ADAM10: variants seen among roughly 807,000 people sequenced by gnomAD.
ADAM10 encodes disintegrin and metalloproteinase domain-containing protein 10.
Under a neutral mutation model 90.1 loss-of-function variants are expected in ADAM10, and 17 were observed. The observed-to-expected ratio is 0.19, with a 90% CI of 0.13 to 0.28. The LOEUF is 0.28. ADAM10 is among the 10% of genes least tolerant of loss of function. ADAM10 has a pLI of 1.00. For synonymous variants in ADAM10, 310 were observed against 298.6 expected (o/e 1.04, Z -0.40); for missense variants, 610 against 914.3 (o/e 0.67, Z 4.29).
chr15:58,657,798 A>G (rs891047977), intron 5 of ADAM10, among the ~76,000 whole-genome samples: 1 of 151,698 alleles, frequency 6.6e-6, no homozygotes, highest in Non-Finnish European at 1.5e-5. Flanking sequence ...TTACGTATTC[A>G]CTGTAGTCCT....
chr15:58,666,735 T>C (rs556833931), intron 4 of ADAM10, among the ~76,000 whole-genome samples: 1 of 152,286 alleles, frequency 6.6e-6, no homozygotes, highest in Non-Finnish European at 1.5e-5. Context: ...GAATTAGTGT[T>C]TTATTTCTTC....
chr15:58,645,137 G>A (rs1314079636), intron 6 of ADAM10, among the ~76,000 whole-genome samples: 1 of 152,146 alleles, frequency 6.6e-6, no homozygotes, highest in African/African-American at 2.4e-5. Flanking sequence ...AAAACAAGAT[G>A]GTCAAGTAAA....
At chr15:58,619,858 C>T (rs556000720) in intron 11 of ADAM10, among the ~76,000 whole-genome samples, 7 of 151,710 alleles carry the variant, frequency 4.6e-5, no homozygotes, top group Non-Finnish European at 8.8e-5. Flanking sequence ...GAGCAGAGAT[C>T]GCGCCACTGC....
chr15:58,677,339 G>A (rs1488286805), intron 4 of ADAM10, among the ~76,000 whole-genome samples: 1 of 151,918 alleles, frequency 6.6e-6, no homozygotes, highest in South Asian at 2.1e-4. Context: ...AATAAAAGCT[G>A]ATATCAATGA....
chr15:58,665,313 T>C (rs547303143), intron 4 of ADAM10, 116 bp from the exon 5 acceptor site: 2 of 846,418 alleles, frequency 2.4e-6, no homozygotes, highest in Middle Eastern at 2.7e-4. Context: ...TAAATGCTTA[T>C]TAAGCACCTA....
chr15:58,644,280 A>C (rs1368742624), intron 6 of ADAM10, among the ~76,000 whole-genome samples: 2 of 146,238 alleles, frequency 1.4e-5, no homozygotes, highest in Non-Finnish European at 3.0e-5. Flanking sequence ...CCCACGCTGG[A>C]GTGCAGTGTT....
chr15:58,739,350 C>CAA (rs1244592805), intron 1 of ADAM10, among the ~76,000 whole-genome samples: 7 of 100,594 alleles, frequency 7.0e-5, no homozygotes, highest in African/African-American at 1.5e-4. Context: ...ACCAAAAATA[C>CAA]AAAAAAAAAA....
chr15:58,604,786 T>C (rs1186545907), intron 14 of ADAM10, among the ~76,000 whole-genome samples: 1 of 152,222 alleles, frequency 6.6e-6, no homozygotes, highest in African/African-American at 2.4e-5. Context: ...CTTGCTCTGT[T>C]GCCCAAGCTG....
chr15:58,685,545 A>AATATATATATATATAT (rs56776777), intron 2 of ADAM10, among the ~76,000 whole-genome samples: 12 of 116,216 alleles, frequency 1.0e-4, no homozygotes, highest in East Asian at 4.3e-4. Flanking sequence ...TATGAAGGAG[A>AATATATATATATATAT]ATATATATAT....
intron 4 of ADAM10, among the ~76,000 whole-genome samples, chr15:58,665,611 C>T (rs1353291315): frequency 6.6e-6 from 1 of 152,032 alleles, no homozygotes; most frequent in Non-Finnish European, 1.5e-5. Flanking sequence ...TAAAAGAGAA[C>T]CCCAAAACTC....
At chr15:58,626,149 C>CAAA (rs11433151) in intron 10 of ADAM10, among the ~76,000 whole-genome samples, 1 of 137,866 alleles carries the variant, frequency 7.3e-6, no homozygotes, top group African/African-American at 2.6e-5. Context: ...GAAATGAGAA[C>CAAA]AAAAAAAAAA....
At chr15:58,667,743 T>C (rs1005195012) in intron 4 of ADAM10, among the ~76,000 whole-genome samples, 18 of 151,566 alleles carry the variant, frequency 1.2e-4, no homozygotes, top group African/African-American at 3.9e-4. Context: ...TGATGGAGAG[T>C]AGAAGAAAGG....
In ADAM10 at chr15:58,597,200, G is replaced by A. The variant is rs1270415035; in HGVS notation, c.*347C>T. 2 of 625,112 alleles carry A rather than the reference G, an allele frequency of 3.2e-6. No homozygotes were observed. The highest frequency in any genetic ancestry group is 2.1e-5 in the South Asian group (1 of 47,644). The allele number at this position is 625,112 out of a possible 1,614,324, so 38.7% of individuals were successfully genotyped here. A position where few individuals can be genotyped will look rare whatever the true frequency, so the allele number is the denominator to read the frequency against. On this transcript the variant is annotated 3_prime_UTR_variant, in exon 16 of 16. Transcript: ENST00000260408. ...AAAAATATATTTATTTCAATTTGTG[G>A]TAAAAGTTTATTGAGAGCCAAGTTT...
intron 2 of ADAM10, among the ~76,000 whole-genome samples, chr15:58,714,178 C>T (rs150945174): frequency 5.7e-4 from 87 of 152,214 alleles, no homozygotes; most frequent in African/African-American, 2.0e-3. Context: ...CATCTGTAAA[C>T]ATGGCATATA....
chr15:58,743,942 T>C (rs915239740), intron 1 of ADAM10, among the ~76,000 whole-genome samples: 1 of 152,212 alleles, frequency 6.6e-6, no homozygotes, highest in African/African-American at 2.4e-5. Context: ...TCTATTCCTG[T>C]AGAAAATATT....
intron 9 of ADAM10, 132 bp from the exon 10 acceptor site, chr15:58,628,015 T>C (rs1028378412): frequency 1.1e-6 from 1 of 898,754 alleles, no homozygotes. Context: ...GATCTTACAA[T>C]TGTTTTACAC....
intron 4 of ADAM10, among the ~76,000 whole-genome samples, chr15:58,674,310 A>G (rs1897265209): frequency 1.3e-5 from 2 of 152,230 alleles, no homozygotes; most frequent in African/African-American, 4.8e-5. Context: ...AATGCTTAGT[A>G]AAGCATACAA....
intron 5 of ADAM10, among the ~76,000 whole-genome samples, chr15:58,656,652 C>A (rs1896835174): frequency 6.6e-6 from 1 of 151,926 alleles, no homozygotes; most frequent in African/African-American, 2.4e-5. Context: ...TCTATTCATG[C>A]CTTATTGTAG....
intron 1 of ADAM10, among the ~76,000 whole-genome samples, chr15:58,723,366 G>C (rs1011532575): frequency 1.3e-5 from 2 of 152,024 alleles, no homozygotes; most frequent in Non-Finnish European, 2.9e-5. Flanking sequence ...AAATACACTG[G>C]TCTCAGAGGC....
Sources: gnomAD v4.1 joint callset for allele counts (sites outside exome capture counted in the v4.1 genomes callset) on GRCh38, gnomAD v4.1.1 for gene constraint, MANE v1.5 for transcripts, NCBI Gene and HGNC (gene_info 2026-07-23, HGNC 2026-07-21) for gene names.